CSMD1: variants seen among roughly 807,000 people sequenced by gnomAD.
The protein encoded by CSMD1 is CUB and sushi domain-containing protein 1.
Under a neutral mutation model 417.5 loss-of-function variants are expected in CSMD1, and 213 were observed. The observed-to-expected ratio is 0.51, with a 90% CI of 0.46 to 0.57. CSMD1 has a LOEUF of 0.57. Among genes scored for constraint, CSMD1 ranks in the 20% least tolerant of loss-of-function variants. CSMD1 has a pLI of 0.00. For missense variants in CSMD1, 6,923 were observed against 4,529.7 expected, an observed-to-expected ratio of 1.53 and a Z score of -15.17; for synonymous variants, 2,862 against 1,736.8, an observed-to-expected ratio of 1.65 and a Z score of -16.11.
chr8:3,186,610 T>G (rs1367561139), intron 36 of CSMD1, among the ~76,000 whole-genome samples: 1 of 152,194 alleles, frequency 6.6e-6, no homozygotes, highest in African/African-American at 2.4e-5. Context: ...CTATCTATTT[T>G]CTTTATGTTT....
chr8:2,939,405 G>A (rs1801709501), intron 69 of CSMD1, among the ~76,000 whole-genome samples: 1 of 152,040 alleles, frequency 6.6e-6, no homozygotes, highest in African/African-American at 2.4e-5. Context: ...TTATAAAAAA[G>A]GAACTATACT....
rs1369510004 is a variant in CSMD1 at position 4,536,837 on chromosome 8, G to A, written c.302+100505C>T. Among the ~76,000 whole-genome samples, 5 of 152,252 alleles carry A rather than the reference G, an allele frequency of 3.3e-5. No individual in the cohort carries two copies. In the East Asian group the frequency reaches 9.6e-4, roughly 29 times the overall value. ...ATGCGGCCAAATTTCCTTTCACAAG[G>A]GGTGTCACCTTTTGCATTTTGCACA... On this transcript the variant is annotated intron_variant, in intron 2 of 69. Transcript: ENST00000635120.
intron 10 of CSMD1, among the ~76,000 whole-genome samples, chr8:3,556,526 A>ACACG (rs1799157329): frequency 6.9e-6 from 1 of 145,162 alleles, no homozygotes; most frequent in African/African-American, 2.7e-5. Context: ...GCACACACAC[A>ACACG]CACACACACA....
chr8:3,046,179 C>T (rs1386281711), intron 50 of CSMD1, among the ~76,000 whole-genome samples: 3 of 152,190 alleles, frequency 2.0e-5, no homozygotes, highest in Non-Finnish European at 4.4e-5. Context: ...GTCAGTCTGG[C>T]TGTTGTTTGG....
chr8:3,685,280 T>C (rs1201249892), intron 7 of CSMD1, among the ~76,000 whole-genome samples: 3 of 152,142 alleles, frequency 2.0e-5, no homozygotes, highest in African/African-American at 7.2e-5. Flanking sequence ...ACCCATTACG[T>C]TGAGTTTAAT....
intron 5 of CSMD1, among the ~76,000 whole-genome samples, chr8:3,779,011 G>A (rs796424691): frequency 6.6e-6 from 1 of 152,178 alleles, no homozygotes; most frequent in South Asian, 2.1e-4. Flanking sequence ...GATCAGCTCA[G>A]AGACACCAGA....
At chr8:4,611,260 T>C (rs1801152159) in intron 2 of CSMD1, among the ~76,000 whole-genome samples, 1 of 152,212 alleles carries the variant, frequency 6.6e-6, no homozygotes, top group African/African-American at 2.4e-5. Context: ...ACTCTTCACT[T>C]AATCCTGTGT....
At chr8:3,598,559 G>C (rs982031405) in intron 8 of CSMD1, among the ~76,000 whole-genome samples, 1 of 152,094 alleles carries the variant, frequency 6.6e-6, no homozygotes, top group Non-Finnish European at 1.5e-5. Flanking sequence ...TCTACGCTCT[G>C]TCTACAACAG....
rs533118921 is a variant in CSMD1 at position 3,137,389 on chromosome 8, G to A, written c.6241+5076C>T. ...CACGGCAGAAAGTCCCTTAGCATCA[G>A]GGGGAATAAACACCTCAAGTATGGA... On this transcript the variant is annotated intron_variant, in intron 41 of 69. Coordinates refer to ENST00000635120, the MANE Select transcript of CSMD1 (RefSeq NM_033225.6). 2.6e-4 allele frequency among the ~76,000 whole-genome samples: 40 copies of A among 152,356 alleles called. No homozygotes were observed. In the Middle Eastern group the frequency reaches 0.014, roughly 52 times the overall value.
At chr8:4,479,971 A>C (rs935326205) in intron 2 of CSMD1, among the ~76,000 whole-genome samples, 5 of 151,218 alleles carry the variant, frequency 3.3e-5, no homozygotes, top group Non-Finnish European at 7.4e-5. Context: ...GTCTCAAAAA[A>C]AAAAAAAAAT....
At chr8:3,602,497 C>T (rs1801411551) in intron 8 of CSMD1, among the ~76,000 whole-genome samples, 1 of 152,078 alleles carries the variant, frequency 6.6e-6, no homozygotes, top group African/African-American at 2.4e-5. Flanking sequence ...TAATATTGAT[C>T]CTAAACTCTT....
chr8:3,723,484 T>A (rs1179439673), intron 6 of CSMD1, among the ~76,000 whole-genome samples: 1 of 152,306 alleles, frequency 6.6e-6, no homozygotes, highest in East Asian at 1.9e-4. Context: ...CTGTGTATTC[T>A]CTTCAGATAT....
intron 1 of CSMD1, among the ~76,000 whole-genome samples, chr8:4,884,085 G>C (rs1490156354): frequency 4.6e-5 from 7 of 152,006 alleles, no homozygotes; most frequent in Non-Finnish European, 1.0e-4. Flanking sequence ...GATGGCAAAT[G>C]ATATTGAACA....
intron 10 of CSMD1, among the ~76,000 whole-genome samples, chr8:3,548,299 ATTTT>A (rs1420593043): frequency 6.6e-6 from 1 of 152,026 alleles, no homozygotes; most frequent in Non-Finnish European, 1.5e-5. Context: ...TTTAATTATT[ATTTT>A]TTATTTCCAT....
intron 12 of CSMD1, among the ~76,000 whole-genome samples, chr8:3,414,373 C>A (rs550551971): frequency 1.3e-5 from 2 of 152,196 alleles, no homozygotes; most frequent in South Asian, 4.1e-4. Flanking sequence ...GTCACACCTC[C>A]CTCTCTTCCC....
intron 4 of CSMD1, among the ~76,000 whole-genome samples, chr8:4,006,565 A>T (rs1816133735): frequency 6.6e-6 from 1 of 152,128 alleles, no homozygotes; most frequent in South Asian, 2.1e-4. Context: ...TAAATAAATA[A>T]TGGCAATATT....
At chr8:3,447,842 GC>G (rs1439255298) in intron 12 of CSMD1, among the ~76,000 whole-genome samples, 1 of 152,106 alleles carries the variant, frequency 6.6e-6, no homozygotes, top group African/African-American at 2.4e-5. Flanking sequence ...TGAGATGGAG[GC>G]CATCGGAGGT....
chr8:4,299,882 G>C (rs1797888210), intron 3 of CSMD1, among the ~76,000 whole-genome samples: 1 of 152,134 alleles, frequency 6.6e-6, no homozygotes, highest in African/African-American at 2.4e-5. Context: ...GCCCACCTCA[G>C]CCTCCCAAAC....
intron 1 of CSMD1, among the ~76,000 whole-genome samples, chr8:4,701,434 G>C (rs1198697386): frequency 6.6e-6 from 1 of 151,782 alleles, no homozygotes; most frequent in Non-Finnish European, 1.5e-5. Flanking sequence ...AACCACAGCT[G>C]GAGAGTCTGA....
Sources: gnomAD v4.1 joint callset for allele counts (sites outside exome capture counted in the v4.1 genomes callset) on GRCh38, gnomAD v4.1.1 for gene constraint, MANE v1.5 for transcripts, NCBI Gene and HGNC (gene_info 2026-07-23, HGNC 2026-07-21) for gene names.